PDLIM5: variants seen among roughly 807,000 people sequenced by gnomAD.
PDLIM5 encodes the protein PDZ and LIM domain protein 5.
PDLIM5 carries 34 observed loss-of-function variants against 64.2 expected under a neutral mutation model. That is an observed-to-expected ratio of 0.53 (90% CI 0.40 to 0.71). The LOEUF (loss-of-function observed/expected upper bound fraction) is 0.71, where lower values mean the gene tolerates loss of function less well. PDLIM5 is among the 30% of genes least tolerant of loss of function. PDLIM5 has a pLI of 0.00. For synonymous variants in PDLIM5, 253 were observed against 269.1 expected, an observed-to-expected ratio of 0.94 and a Z score of 0.59; for missense variants, 683 against 733.6, an observed-to-expected ratio of 0.93 and a Z score of 0.80.
intron 7 of PDLIM5, among the ~76,000 whole-genome samples, chr4:94,601,181 G>A (rs1267449725): frequency 6.6e-6 from 1 of 152,180 alleles, no homozygotes; most frequent in Non-Finnish European, 1.5e-5. Context: ...AGGCTGGGAA[G>A]TCAAGATCGA....
At chr4:94,603,039 G>A (rs1737624779) in intron 7 of PDLIM5, among the ~76,000 whole-genome samples, 1 of 152,136 alleles carries the variant, frequency 6.6e-6, no homozygotes, top group Admixed American at 6.5e-5. Flanking sequence ...AATCCTGGAA[G>A]AACTTAGTTT....
chr4:94,645,373 A>C (rs1381645205), intron 9 of PDLIM5, among the ~76,000 whole-genome samples: 1 of 152,202 alleles, frequency 6.6e-6, no homozygotes, highest in Non-Finnish European at 1.5e-5. Context: ...TGCTATAAAC[A>C]TGCATGTGCA....
intron 7 of PDLIM5, chr4:94,610,412 G>A (rs74457440): frequency 0.2 from 104,007 of 520,490 alleles, 11,493 homozygotes; most frequent in Non-Finnish European, 0.24. Context: ...TAGCTCTATT[G>A]TGAGCTCTTA....
chr4:94,462,254 A>AT (rs1723962222), intron 2 of PDLIM5, among the ~76,000 whole-genome samples: 1 of 152,048 alleles, frequency 6.6e-6, no homozygotes, highest in Non-Finnish European at 1.5e-5. Flanking sequence ...CCTGCTGTTC[A>AT]TTTCCTCCTC....
Position 94,566,891 on chromosome 4 carries a change from A to G in PDLIM5, c.249-6460A>G, listed in dbSNP as rs139439893. On this transcript the variant is annotated intron_variant, in intron 3 of 12. Transcript: ENST00000317968. ...GTTTTCCGGAAGCAGTTAATTTTAT[A>G]TACATTGTTTAAAGCCTGTGAAAAA... Among the ~76,000 whole-genome samples the G allele has an allele frequency of 2.6e-5, 4 of 152,354 alleles. No homozygotes were observed. In the South Asian group the frequency reaches 8.3e-4, roughly 32 times the overall value.
At chr4:94,588,168 C>A (rs1736392546) in intron 7 of PDLIM5, 1 of 959,844 alleles carries the variant, frequency 1.0e-6, no homozygotes, top group South Asian at 4.8e-5. Flanking sequence ...AGACACAGTG[C>A]CATCCAGGAC....
chr4:94,633,822 A>G (rs1314799208), intron 8 of PDLIM5, among the ~76,000 whole-genome samples: 2 of 152,138 alleles, frequency 1.3e-5, no homozygotes, highest in Non-Finnish European at 2.9e-5. Context: ...TTTGTGGGGA[A>G]TGGGGTGCTG....
At chr4:94,630,834 A>G (rs1341341096) in intron 8 of PDLIM5, among the ~76,000 whole-genome samples, 5 of 152,210 alleles carry the variant, frequency 3.3e-5, no homozygotes, top group African/African-American at 1.2e-4. Context: ...CAAATGTAGT[A>G]GTTGAAGTAT....
At chr4:94,585,540 AT>A (rs762197530) in intron 5 of PDLIM5, 24 bp from the exon 6 acceptor site, 964 of 1,357,774 alleles carry the variant, frequency 7.1e-4, no homozygotes, top group African/African-American at 2.0e-3. Flanking sequence ...ACAATTTTTA[AT>A]TTTTTTTTTC....
At position 94,567,210 on chromosome 4, in the gene PDLIM5, A is replaced by G. The variant is rs57946986; in HGVS notation, c.249-6141A>G. 8.3e-3 allele frequency among the ~76,000 whole-genome samples: 1,262 copies of G among 152,122 alleles called. 16 individuals carry two copies. The highest frequency in any genetic ancestry group is 0.024 in the African/African-American group (1,006 of 41,510). On this transcript the variant is annotated intron_variant, in intron 3 of 12. Transcript: ENST00000317968. ...GGGTTTCACCGTGTTAGCCAGGATG[A>G]TCTCGATCTCCTGACCTCGTGATCT...
At chr4:94,456,234 T>C (rs1261324728) in intron 2 of PDLIM5, 1 of 450,656 alleles carries the variant, frequency 2.2e-6, no homozygotes, top group South Asian at 3.4e-5. Context: ...GTTTTGTTCT[T>C]GTTGCCCAGG....
intron 8 of PDLIM5, among the ~76,000 whole-genome samples, chr4:94,625,513 C>A (rs972204110): frequency 1.3e-5 from 2 of 149,274 alleles, no homozygotes; most frequent in Admixed American, 1.3e-4. Flanking sequence ...AGTGCAGTGG[C>A]GCTATTTAGG....
chr4:94,548,268 T>C (rs1418066789), intron 3 of PDLIM5, among the ~76,000 whole-genome samples: 6 of 152,164 alleles, frequency 3.9e-5, no homozygotes, highest in Admixed American at 2.0e-4. Context: ...GAAGAGCCCA[T>C]ACCTACCACT....
intron 8 of PDLIM5, among the ~76,000 whole-genome samples, chr4:94,637,587 G>C (rs1411827586): frequency 7.2e-5 from 11 of 152,258 alleles, no homozygotes. Flanking sequence ...CTTTCAAATA[G>C]TATTAAATAA....
intron 7 of PDLIM5, chr4:94,588,213 T>G: frequency 2.1e-6 from 2 of 958,990 alleles, no homozygotes; most frequent in Non-Finnish European, 2.5e-6. Context: ...TAAACAATTC[T>G]CTGACATTTC....
intron 2 of PDLIM5, among the ~76,000 whole-genome samples, chr4:94,458,814 A>C (rs1723613775): frequency 6.6e-6 from 1 of 152,168 alleles, no homozygotes; most frequent in Non-Finnish European, 1.5e-5. Context: ...TTGGACTCAA[A>C]TTTCTTCATC....
chr4:94,533,976 G>A (rs946208701), intron 3 of PDLIM5, among the ~76,000 whole-genome samples: 14 of 152,104 alleles, frequency 9.2e-5, no homozygotes, highest in African/African-American at 2.7e-4. Flanking sequence ...AAGCTTTTTC[G>A]AAGAGTATAG....
intron 2 of PDLIM5, among the ~76,000 whole-genome samples, chr4:94,522,270 C>G (rs977787412): frequency 6.6e-6 from 1 of 152,194 alleles, no homozygotes; most frequent in African/African-American, 2.4e-5. Context: ...GTATAGCTCA[C>G]TCGCTTTCAG....
chr4:94,585,810 T>A, intron 6 of PDLIM5, 73 bp downstream of exon 6: 1 of 1,216,346 alleles, frequency 8.2e-7, no homozygotes, highest in Non-Finnish European at 1.2e-6. Context: ...GACTGATTGG[T>A]AGTTGTCAGA....
Sources: allele counts gnomAD v4.1 joint callset (sites outside exome capture counted in the v4.1 genomes callset), GRCh38; gene constraint gnomAD v4.1.1; transcripts MANE v1.5; gene names NCBI Gene and HGNC (gene_info 2026-07-23, HGNC 2026-07-21).